TBC1D12: variants seen among roughly 807,000 people sequenced by gnomAD.
The protein encoded by TBC1D12 is TBC1 domain family, member 12.
A neutral mutation model predicts 86.7 loss-of-function variants in TBC1D12; 56 were observed. That is an observed-to-expected ratio of 0.65 (90% CI 0.52 to 0.81). The LOEUF (loss-of-function observed/expected upper bound fraction) is 0.81. TBC1D12 is among the 30% of genes least tolerant of loss of function. The probability of loss-of-function intolerance (pLI) is 0.00; values close to 1 mark genes in which losing one functional copy is unlikely to be tolerated. For synonymous variants in TBC1D12, 421 were observed against 411.7 expected (o/e 1.02, Z -0.27); for missense variants, 1,023 against 1,038.8 (o/e 0.98, Z 0.21).
intron 2 of TBC1D12, among the ~76,000 whole-genome samples, chr10:94,457,482 A>G (rs554189093): frequency 6.6e-6 from 1 of 152,250 alleles, no homozygotes; most frequent in South Asian, 2.1e-4. Flanking sequence ...TGGTGTAATC[A>G]TAGCTCACTG....
intron 2 of TBC1D12, among the ~76,000 whole-genome samples, chr10:94,445,533 AC>A (rs1485276335): frequency 6.6e-6 from 1 of 151,934 alleles, no homozygotes; most frequent in Non-Finnish European, 1.5e-5. Flanking sequence ...TAGTTTTCGA[AC>A]TTTCCAGCTA....
At chr10:94,419,918 C>G (rs1484386791) in intron 1 of TBC1D12, among the ~76,000 whole-genome samples, 1 of 152,138 alleles carries the variant, frequency 6.6e-6, no homozygotes, top group Non-Finnish European at 1.5e-5. Flanking sequence ...AAGAAGCAAG[C>G]AGTTAATCTG....
At chr10:94,433,729 A>G (rs1344426705) in intron 1 of TBC1D12, among the ~76,000 whole-genome samples, 1 of 152,156 alleles carries the variant, frequency 6.6e-6, no homozygotes, top group Non-Finnish European at 1.5e-5. Flanking sequence ...GTCTGCTGCT[A>G]TGTCTGTTTT....
intron 1 of TBC1D12, among the ~76,000 whole-genome samples, chr10:94,413,708 T>C: frequency 6.6e-6 from 1 of 152,096 alleles, no homozygotes; most frequent in East Asian, 1.9e-4. Context: ...TGATAAGGTG[T>C]TTAACTCATC....
intron 3 of TBC1D12, among the ~76,000 whole-genome samples, chr10:94,491,844 A>G (rs560550174): frequency 9.2e-6 from 1 of 108,982 alleles, no homozygotes; most frequent in Admixed American, 9.5e-5. Flanking sequence ...GGTGCTGACA[A>G]TTCAGATATG....
intron 3 of TBC1D12, among the ~76,000 whole-genome samples, chr10:94,477,180 C>T (rs2056002165): frequency 6.6e-6 from 1 of 151,922 alleles, no homozygotes; most frequent in South Asian, 2.1e-4. Flanking sequence ...GTGTTTGCTC[C>T]TTTGTAGTAT....
chr10:94,457,609 C>T (rs908214937), intron 2 of TBC1D12, among the ~76,000 whole-genome samples: 1 of 152,034 alleles, frequency 6.6e-6, no homozygotes, highest in African/African-American at 2.4e-5. Flanking sequence ...GCATTTAGAC[C>T]ATTGATATTT....
intron 6 of TBC1D12, among the ~76,000 whole-genome samples, chr10:94,504,271 A>G (rs553658678): frequency 2.5e-4 from 38 of 152,332 alleles, no homozygotes; most frequent in Non-Finnish European, 4.9e-4. Flanking sequence ...ATTTATCTTG[A>G]TAACTTAGAC....
At position 94,403,048 on chromosome 10, in the gene TBC1D12, C is replaced by G. The variant is rs1426877313; in HGVS notation, c.435C>G (p.Asp145Glu). 3.9e-6 allele frequency: 6 copies of G among 1,552,788 alleles called. No individual in the cohort carries two copies. Among genetic ancestry groups the G allele is most frequent in the Non-Finnish European group, 5.2e-6 (6 of 1,154,594 alleles). The stretch of plus-strand genomic sequence containing the variant: ...ACTCGGGTTTTCTGCCGGGCCGGGA[C>G]TGTCGCGATCTGGAAGAGGCTCGCG... ...NGDSGFLPGR[D>E]CRDLEEARGL... Residue 145 changes from aspartate (D) to glutamate (E), a missense_variant, in exon 1 of 13, where the codon GAC (aspartate) becomes GAG (glutamate). This residue lies in a region of TBC1D12 where 628 missense variants were observed against 531.1 expected (regional missense o/e 1.18). Transcript: ENST00000225235.
intron 3 of TBC1D12, among the ~76,000 whole-genome samples, chr10:94,481,343 T>C (rs1036850721): frequency 8.6e-5 from 13 of 151,464 alleles, no homozygotes; most frequent in African/African-American, 3.1e-4. Context: ...GAAGGCTGTT[T>C]TGTCTACATT....
intron 12 of TBC1D12, among the ~76,000 whole-genome samples, chr10:94,532,794 G>A (rs1842464046): frequency 6.6e-6 from 1 of 152,070 alleles, no homozygotes; most frequent in African/African-American, 2.4e-5. Flanking sequence ...TATTGGTTCA[G>A]AAAATGTTAT....
intron 1 of TBC1D12, among the ~76,000 whole-genome samples, chr10:94,436,897 G>A (rs1008200047): frequency 4.6e-5 from 7 of 151,778 alleles, no homozygotes; most frequent in South Asian, 4.2e-4. Context: ...TAGTAGAGAC[G>A]GGATTTCACC....
At chr10:94,465,729 TAC>T (rs1190714373) in intron 2 of TBC1D12, among the ~76,000 whole-genome samples, 8 of 149,712 alleles carry the variant, frequency 5.3e-5, no homozygotes, top group African/African-American at 1.7e-4. Context: ...CATACATACA[TAC>T]ATACGTATAC....
intron 6 of TBC1D12, among the ~76,000 whole-genome samples, chr10:94,500,593 C>T (rs556220000): frequency 8.5e-5 from 13 of 152,252 alleles, no homozygotes; most frequent in African/African-American, 3.1e-4. Flanking sequence ...TCAAAAACTT[C>T]TGGGATTCTA....
chr10:94,405,448 T>C (rs1376415454), intron 1 of TBC1D12, among the ~76,000 whole-genome samples: 3 of 152,234 alleles, frequency 2.0e-5, no homozygotes, highest in Non-Finnish European at 4.4e-5. Flanking sequence ...GGACAATATA[T>C]GTAGTAATGA....
intron 2 of TBC1D12, among the ~76,000 whole-genome samples, chr10:94,447,282 C>G (rs1023535827): frequency 6.6e-6 from 1 of 150,838 alleles, no homozygotes; most frequent in African/African-American, 2.4e-5. Context: ...TTTTCTATTT[C>G]AAGAATGAAA....
intron 3 of TBC1D12, among the ~76,000 whole-genome samples, chr10:94,478,023 A>G (rs1358356550): frequency 5.3e-5 from 8 of 152,038 alleles, no homozygotes; most frequent in Admixed American, 6.5e-5. Context: ...GCTCACATCT[A>G]TAATCCCAGG....
At chr10:94,530,082 T>A (rs762713826) in intron 11 of TBC1D12, among the ~76,000 whole-genome samples, 12 of 152,214 alleles carry the variant, frequency 7.9e-5, no homozygotes, top group Admixed American at 2.0e-4. Context: ...AGGATTTTTT[T>A]AAAAATTATT....
At chr10:94,409,731 A>G (rs769928732) in intron 1 of TBC1D12, among the ~76,000 whole-genome samples, 1 of 152,178 alleles carries the variant, frequency 6.6e-6, no homozygotes, top group Non-Finnish European at 1.5e-5. Context: ...TTATAATACT[A>G]ACTTGGAGTT....
Sources: allele counts gnomAD v4.1 joint callset (sites outside exome capture counted in the v4.1 genomes callset), GRCh38; gene constraint gnomAD v4.1.1; regional missense constraint gnomAD v4.1.1; transcripts MANE v1.5; gene names NCBI Gene and HGNC (gene_info 2026-07-23, HGNC 2026-07-21).